PTPRN: variants seen among roughly 807,000 people sequenced by gnomAD.
The protein encoded by PTPRN is protein tyrosine phosphatase receptor type N.
Under a neutral mutation model 108.5 loss-of-function variants are expected in PTPRN, and 70 were observed. The ratio of observed to expected loss-of-function variants is 0.65; its 90% CI spans 0.53 to 0.79. The LOEUF (loss-of-function observed/expected upper bound fraction) is 0.79, where lower values mean the gene tolerates loss of function less well. PTPRN is among the 30% of genes least tolerant of loss of function. The pLI is 0.00. For synonymous variants in PTPRN, 496 were observed against 524.6 expected (o/e 0.95, Z 0.75); for missense variants, 1,136 against 1,295.5 (o/e 0.88, Z 1.89).
At position 219,307,289 on chromosome 2, in the gene PTPRN, C is replaced by T. The variant is rs553689525; in HGVS notation, c.280+155G>A. On this transcript the variant is annotated intron_variant, in intron 3 of 22. Transcript: ENST00000295718. ...TCCAGAGAGTCCAAATGTGAATAGC[C>T]CATCTCTAGGGTTCCACCTCTTACT... 135 of 630,772 alleles carry T rather than the reference C, an allele frequency of 2.1e-4. 1 individual carries two copies. Among genetic ancestry groups the T allele is most frequent in the Middle Eastern group, 1.3e-3 (5 of 3,858 alleles). The allele number at this position is 630,772 out of a possible 1,614,324, so 39.1% of individuals were successfully genotyped here. A position where few individuals can be genotyped will look rare whatever the true frequency, so the allele number is the denominator to read the frequency against.
In PTPRN at chr2:219,309,202, C is replaced by G; in HGVS notation, c.115+16G>C. On this transcript the variant is annotated intron_variant, in intron 1 of 22. Coordinates refer to ENST00000295718, the MANE Select transcript of PTPRN (RefSeq NM_002846.4). Reference sequence around the variant, plus strand: ...CCCCGCCCCCCACCACCCGCCAGCCCAAGTTTCCTCCTGACCGTGGGCACT... The same window carrying G: ...CCCCGCCCCCCACCACCCGCCAGCCGAAGTTTCCTCCTGACCGTGGGCACT... 6.6e-7 allele frequency: 1 copy of G among 1,516,610 alleles called. No individual in the cohort carries two copies. The highest frequency in any genetic ancestry group is 8.9e-7 in the Non-Finnish European group (1 of 1,126,002). 93.9% of individuals were successfully genotyped at this position (1,516,610 alleles called of 1,614,324 possible). A position where few individuals can be genotyped will look rare whatever the true frequency, so the allele number is the denominator to read the frequency against.
chr2:219,290,960 G>C lies in PTPRN; in HGVS notation c.2730-70C>G, dbSNP rs1298684354. On this transcript the variant is annotated intron_variant, in intron 20 of 22. Transcript: ENST00000295718. This position sits in a 1 kb window ranked among gnomAD's most constrained non-coding sequence, Gnocchi z 4.2. ...AAGGGGGAGGGACGGAGGAGGCGAGGAGGCCTGGAGGCCTGGGGGAGGGGA... is the reference window on the plus strand; with the variant it reads ...AAGGGGGAGGGACGGAGGAGGCGAGCAGGCCTGGAGGCCTGGGGGAGGGGA... 2 of 1,452,084 alleles carry C rather than the reference G, an allele frequency of 1.4e-6. No homozygotes were observed. Among genetic ancestry groups the C allele is most frequent in the African/African-American group, 2.8e-5 (2 of 71,512 alleles). The allele number at this position is 1,452,084 out of a possible 1,614,324, so 89.9% of individuals were successfully genotyped here.
chr2:219,301,709 C>T lies in PTPRN; in HGVS notation c.1005G>A (p.Leu335=). The T allele has an allele frequency of 6.2e-7, 1 of 1,609,596 alleles. No individual in the cohort carries two copies. Among genetic ancestry groups the T allele is most frequent in the Non-Finnish European group, 8.5e-7 (1 of 1,176,440 alleles). ...ASPAVQPDAA[L]QRLAAVLAGY... The stretch of plus-strand genomic sequence containing the variant: ...CCGCCAGCACAGCGGCCAGCCTCTG[C>T]AGAGCCGCATCTGCTGGGAGCCAGA... The change falls in exon 7 of 23, where the codon CTG becomes CTA. Residue 335 remains leucine, a synonymous_variant. Coordinates refer to ENST00000295718, the MANE Select transcript of PTPRN (RefSeq NM_002846.4).
chr2:219,307,986 C>A, intron 1 of PTPRN, 144 bp from the exon 2 acceptor site: 1 of 754,944 alleles, frequency 1.3e-6, no homozygotes, highest in Non-Finnish European at 2.2e-6. Context: ...GAGTAGGAAT[C>A]AGGCCTGAAT....
intron 20 of PTPRN, among the ~76,000 whole-genome samples, chr2:219,291,261 T>C (rs1952047439): frequency 1.3e-5 from 2 of 152,246 alleles, no homozygotes; most frequent in African/African-American, 2.4e-5. Context: ...GTGGGCCACA[T>C]ACAGTTTGTA....
At position 219,302,413 on chromosome 2, in the gene PTPRN, C is replaced by T; in HGVS notation, c.718G>A (p.Ala240Thr). 1 of 1,614,164 alleles carries T rather than the reference C, an allele frequency of 6.2e-7. No individual in the cohort carries two copies. The highest frequency in any genetic ancestry group is 8.5e-7 in the Non-Finnish European group (1 of 1,179,998). ...GCAGTTCTGCTGAAGAGGGCAGGGGCTTCAGCCTTGGGCAGGGGGCCGACA... is the reference window on the plus strand; with the variant it reads ...GCAGTTCTGCTGAAGAGGGCAGGGGTTTCAGCCTTGGGCAGGGGGCCGACA... ...VSVGPLPKAE[A>T]PALFSRTASK... Residue 240 changes from alanine (A) to threonine (T), a missense_variant, in exon 6 of 23, where the codon GCC becomes ACC. Physicochemically the swap from Ala to Thr is moderately conservative, Grantham distance 58. Transcript: ENST00000295718.
In PTPRN at chr2:219,296,004, A is replaced by ACACAC; in HGVS notation, c.2508+221_2508+222insGTGTG. On this transcript the variant is annotated intron_variant, in intron 18 of 22. Coordinates refer to ENST00000295718, the MANE Select transcript of PTPRN (RefSeq NM_002846.4). This position sits in a 1 kb window ranked among gnomAD's most constrained non-coding sequence, Gnocchi z 6.0. ...CACACACACACACACACACACACAC[A>ACACAC]TGTATGTTCTGTAAACAGGACACAC... is the stretch of plus-strand genomic sequence containing the variant. 1.7e-6 allele frequency: 1 copy of ACACAC among 581,302 alleles called. No homozygotes were observed. The allele number at this position is 581,302 out of a possible 1,614,324, so 36.0% of individuals were successfully genotyped here.
rs1475008756 is a variant in PTPRN at position 219,296,634 on chromosome 2, C to G, written c.2310+115G>C. On this transcript the variant is annotated intron_variant, in intron 16 of 22. Transcript: ENST00000295718. The surrounding 1 kb of genome is among the most constrained non-coding windows in gnomAD (Gnocchi z 6.0). Reference sequence around the variant, plus strand: ...TGGCAGTTCCCCCTTGCTAGGATATCAGGCCCCACCACTCCAGGGGGTTGG... The same window carrying G: ...TGGCAGTTCCCCCTTGCTAGGATATGAGGCCCCACCACTCCAGGGGGTTGG... 6.4e-7 allele frequency: 1 copy of G among 1,554,124 alleles called. No homozygotes were observed. Among genetic ancestry groups the G allele is most frequent in the African/African-American group, 1.4e-5 (1 of 73,454 alleles).
chr2:219,291,906 T>C (rs539681957), intron 19 of PTPRN: 1 of 276,394 alleles, frequency 3.6e-6, no homozygotes, highest in East Asian at 9.6e-5. Flanking sequence ...AGGTGCTCAA[T>C]ACATGGTAGC....
intron 8 of PTPRN, 88 bp downstream of exon 8, chr2:219,300,855 T>G: frequency 1.4e-6 from 2 of 1,457,958 alleles, no homozygotes; most frequent in Non-Finnish European, 1.9e-6. Context: ...AGGATACAGA[T>G]TCTAGGTCCT....
chr2:219,301,530 G>A, intron 7 of PTPRN, 58 bp downstream of exon 7: 1 of 1,566,858 alleles, frequency 6.4e-7, no homozygotes, highest in Non-Finnish European at 8.7e-7. Flanking sequence ...TCGAGGCAGG[G>A]CAAGAGGCCT....
intron 3 of PTPRN, among the ~76,000 whole-genome samples, chr2:219,306,314 T>C (rs985092107): frequency 7.9e-5 from 12 of 152,222 alleles, no homozygotes; most frequent in African/African-American, 2.9e-4. Context: ...CTTGGCCCCA[T>C]CCACATTCAT....
rs1450064201 is a variant in PTPRN at position 219,297,978 on chromosome 2, C to G, written c.1794G>C (p.Leu598=). 5 of 1,613,808 alleles carry G rather than the reference C, an allele frequency of 3.1e-6. No homozygotes were observed. Among genetic ancestry groups the G allele is most frequent in the Non-Finnish European group, 4.2e-6 (5 of 1,179,994 alleles). Residue 598 remains leucine (L), a synonymous_variant, in exon 13 of 23, where the codon CTG becomes CTC. Transcript: ENST00000295718. This position sits in a 1 kb window ranked among gnomAD's most constrained non-coding sequence, Gnocchi z 6.0. ...AGLLVALAVA[L]CVRQHARQQD... is the part of the protein sequence containing the mutation. ...GCTGCCGCGCATGCTGCCGCACACACAGAGCCACAGCCAGAGCCACCAGCA... is the reference window on the plus strand; with the variant it reads ...GCTGCCGCGCATGCTGCCGCACACAGAGAGCCACAGCCAGAGCCACCAGCA...
chr2:219,296,389 G>T lies in PTPRN; in HGVS notation c.2389-44C>A, dbSNP rs1405023783. The T allele has an allele frequency of 1.2e-6, 2 of 1,614,060 alleles. No homozygotes were observed. The highest frequency in any genetic ancestry group is 2.2e-5 in the South Asian group (2 of 91,076). The stretch of plus-strand genomic sequence containing the variant: ...TTGAGCTCCACTCTAACCTCCCTGG[G>T]ACCTCGTGGCCACAAGGACCCCAGC... On this transcript the variant is annotated intron_variant, in intron 17 of 22. Coordinates refer to ENST00000295718, the MANE Select transcript of PTPRN (RefSeq NM_002846.4). The surrounding 1 kb of genome is among the most constrained non-coding windows in gnomAD (Gnocchi z 6.0).
In PTPRN at chr2:219,296,890, C is replaced by T. The variant is rs552011692; in HGVS notation, c.2237-68G>A. The T allele has an allele frequency of 6.2e-7, 1 of 1,612,716 alleles. No homozygotes were observed. Among genetic ancestry groups the T allele is most frequent in the African/African-American group, 1.3e-5 (1 of 74,998 alleles). Reference sequence around the variant, plus strand: ...TTGGCATCGCGGGACCTCTGCCACTCAGCCTGAGCCAGAAGCCCAACCCCT... The same window carrying T: ...TTGGCATCGCGGGACCTCTGCCACTTAGCCTGAGCCAGAAGCCCAACCCCT... On this transcript the variant is annotated intron_variant, in intron 15 of 22. Transcript: ENST00000295718. This position sits in a 1 kb window ranked among gnomAD's most constrained non-coding sequence, Gnocchi z 6.0.
intron 3 of PTPRN, among the ~76,000 whole-genome samples, chr2:219,306,141 ACT>A (rs1223562910): frequency 6.6e-6 from 1 of 152,142 alleles, no homozygotes; most frequent in Non-Finnish European, 1.5e-5. Flanking sequence ...ACACAGCAAG[ACT>A]CTGTCTCAAA....
In PTPRN at chr2:219,302,857, G is replaced by A. The variant is rs752697865; in HGVS notation, c.378-20C>T. On this transcript the variant is annotated intron_variant, in intron 4 of 22. Coordinates refer to ENST00000295718, the MANE Select transcript of PTPRN (RefSeq NM_002846.4). ...CCAGACCTGTAGAGGAAAGCAAAGTGTGTGTGTTGGAGCGGGGGAAAGGGC... is the reference window on the plus strand; with the variant it reads ...CCAGACCTGTAGAGGAAAGCAAAGTATGTGTGTTGGAGCGGGGGAAAGGGC... The A allele has an allele frequency of 9.4e-6, 15 of 1,602,900 alleles. 1 individual carries two copies. The South Asian group carries it at 1.6e-4, about 17-fold the overall frequency.
chr2:219,291,546 G>A, intron 19 of PTPRN, 23 bp from the exon 20 acceptor site: 3 of 1,611,374 alleles, frequency 1.9e-6, no homozygotes, highest in Admixed American at 1.7e-5. Flanking sequence ...ATGGGTGTGA[G>A]GGCCAGTGGG....
chr2:219,299,838 C>A, intron 9 of PTPRN, 52 bp from the exon 10 acceptor site: 1 of 1,563,660 alleles, frequency 6.4e-7, no homozygotes, highest in Non-Finnish European at 8.7e-7. Flanking sequence ...CTCTCAGTCA[C>A]TTTCTTAAAA....
Sources: allele counts gnomAD v4.1 joint callset (sites outside exome capture counted in the v4.1 genomes callset), GRCh38; gene constraint gnomAD v4.1.1; non-coding constraint Gnocchi (gnomAD v3.1); transcripts MANE v1.5; gene names NCBI Gene and HGNC (gene_info 2026-07-23, HGNC 2026-07-21).